The following ERICH6 variants were observed in gnomAD, a reference collection of about 807,000 sequenced individuals.
ERICH6 encodes glutamate-rich protein 6.
Under a neutral mutation model 71.0 loss-of-function variants are expected in ERICH6, and 71 were observed. The ratio of observed to expected loss-of-function variants is 1.00; its 90% CI spans 0.83 to 1.22. ERICH6 has a LOEUF of 1.22. Among genes scored for constraint, ERICH6 ranks in the 50% most tolerant of loss-of-function variants. ERICH6 has a pLI of 0.00. For missense variants in ERICH6, 808 were observed against 797.2 expected, an observed-to-expected ratio of 1.01 and a Z score of -0.16; for synonymous variants, 262 against 278.4, an observed-to-expected ratio of 0.94 and a Z score of 0.59.
chr3:150,675,325 A>G (rs540336595), intron 10 of ERICH6, among the ~76,000 whole-genome samples: 1 of 152,194 alleles, frequency 6.6e-6, no homozygotes, highest in Non-Finnish European at 1.5e-5. Context: ...TCTTTATTTT[A>G]TAAAGTGATC....
intron 5 of ERICH6, 38 bp downstream of exon 5, chr3:150,685,928 A>C (rs766196678): frequency 3.8e-6 from 6 of 1,598,294 alleles, no homozygotes; most frequent in Non-Finnish European, 5.1e-6. Flanking sequence ...TTTTACTATG[A>C]GAACAGTGTA....
At chr3:150,695,600 G>A (rs1025589101) in intron 3 of ERICH6, among the ~76,000 whole-genome samples, 33 of 152,024 alleles carry the variant, frequency 2.2e-4, no homozygotes, top group African/African-American at 7.2e-4. Context: ...CCTGGGAGGC[G>A]GAGGTTACAG....
At chr3:150,669,079 T>A (rs1338193727) in intron 12 of ERICH6, among the ~76,000 whole-genome samples, 1 of 152,196 alleles carries the variant, frequency 6.6e-6, no homozygotes, top group African/African-American at 2.4e-5. Context: ...ATAGAAATAA[T>A]ATGATGAGCT....
intron 9 of ERICH6, among the ~76,000 whole-genome samples, chr3:150,678,947 A>G (rs903584641): frequency 6.6e-6 from 1 of 150,474 alleles, no homozygotes; most frequent in Non-Finnish European, 1.5e-5. Context: ...AGGCTAAGGC[A>G]GGAAAATTGA....
intron 1 of ERICH6, among the ~76,000 whole-genome samples, chr3:150,702,887 TGA>T (rs1181008001): frequency 1.2e-5 from 1 of 82,376 alleles, no homozygotes; most frequent in Non-Finnish European, 2.1e-5. Flanking sequence ...GGAAATAATA[TGA>T]GTGTGTGTGT....
rs776737405 is a variant in ERICH6, at chr3:150,703,836, T to C, written c.63A>G (p.Ser21=). The C allele has an allele frequency of 1.5e-5, 22 of 1,485,534 alleles. No homozygotes were observed. The highest frequency in any genetic ancestry group is 4.5e-6 in the Non-Finnish European group (5 of 1,108,364). The allele number at this position is 1,485,534 out of a possible 1,614,324, so 92.0% of individuals were successfully genotyped here. The change falls in exon 1 of 14, where the codon TCA becomes TCG. Residue 21 remains serine, a synonymous_variant. Coordinates refer to ENST00000295910, the MANE Select transcript of ERICH6 (RefSeq NM_152394.5). ...GDPGKKDQKE[S]EEELEEEEEE... ...CCTCCTCCTCCTCTAACTCCTCCTC[T>C]GACTCCTTCTGGTCCTTCTTCCCCG...
intron 3 of ERICH6, among the ~76,000 whole-genome samples, chr3:150,687,435 C>T (rs1200127672): frequency 6.6e-6 from 1 of 152,174 alleles, no homozygotes; most frequent in Non-Finnish European, 1.5e-5. Context: ...TCAATATTTT[C>T]CTTGGTTATA....
rs73152548 is a variant in ERICH6 at position 150,702,572 on chromosome 3, G to A, written c.404-394C>T. Among the ~76,000 whole-genome samples, 1,107 of 152,214 alleles carry A rather than the reference G, an allele frequency of 7.3e-3. 5 individuals carry two copies. Among genetic ancestry groups the A allele is most frequent in the Non-Finnish European group, 0.012 (802 of 68,014 alleles). On this transcript the variant is annotated intron_variant, in intron 1 of 13. Coordinates refer to ENST00000295910, the MANE Select transcript of ERICH6 (RefSeq NM_152394.5). ...ATCACAGGCGTGAGCCACCGCGCCC[G>A]GCCTGGAGACATTTTTGATCATCGC...
rs746584101 is a variant in ERICH6, at chr3:150,680,837, C to G, written c.976G>C (p.Asp326His). Residue 326 changes from aspartate (D) to histidine (H), a missense_variant, in exon 8 of 14, where the codon GAC becomes CAC. Asp to His is a moderately conservative substitution (Grantham distance 81). Coordinates refer to ENST00000295910, the MANE Select transcript of ERICH6 (RefSeq NM_152394.5). ...TCACTACCATGGGCTGCATGAGGGT[C>G]AATAGCAATTAATTCAGCTTTAGGG... The part of the protein sequence containing the change: ...KPPKAELIAI[D>H]PHAAHGSEVD... The G allele has an allele frequency of 2.3e-5, 37 of 1,613,874 alleles. No individual in the cohort carries two copies. The Admixed American group carries it at 2.5e-4, about 11-fold the overall frequency.
intron 11 of ERICH6, among the ~76,000 whole-genome samples, chr3:150,672,114 C>T (rs561223187): frequency 5.3e-5 from 8 of 151,760 alleles, no homozygotes; most frequent in Non-Finnish European, 1.0e-4. Context: ...GGTTATAAAA[C>T]GGTGTTGCTA....
intron 7 of ERICH6, 40 bp downstream of exon 7, chr3:150,682,178 G>C (rs1711989597): frequency 1.0e-5 from 15 of 1,490,238 alleles, no homozygotes; most frequent in Non-Finnish European, 1.4e-5. Flanking sequence ...TATGTTTAAA[G>C]ATAATACTAT....
chr3:150,678,735 C>T (rs983505037), intron 9 of ERICH6, among the ~76,000 whole-genome samples, 181 bp from the exon 10 acceptor site: 1 of 151,826 alleles, frequency 6.6e-6, no homozygotes, highest in African/African-American at 2.4e-5. Context: ...TGAGAACATT[C>T]CTTTGTTAAA....
chr3:150,683,829 G>C (rs1638397851), intron 6 of ERICH6, among the ~76,000 whole-genome samples: 1 of 152,076 alleles, frequency 6.6e-6, no homozygotes, highest in Non-Finnish European at 1.5e-5. Context: ...AAGAGGGTGT[G>C]GCTAGAGAGA....
chr3:150,679,755 T>C (rs1711821424), intron 9 of ERICH6, among the ~76,000 whole-genome samples: 1 of 152,164 alleles, frequency 6.6e-6, no homozygotes. Flanking sequence ...TCTCCCAGGT[T>C]CAGGTGATTC....
Position 150,702,298 on chromosome 3 carries a change from A to G in ERICH6, c.404-120T>C, listed in dbSNP as rs1220610596. On this transcript the variant is annotated intron_variant, in intron 1 of 13. Transcript: ENST00000295910. ...TTTTTTTTTTTTTTTTTTTTTTGAG[A>G]CGGAGTCTCGCTCTGTCGCCTAGGC... The G allele has an allele frequency of 1.0e-5, 5 of 481,236 alleles. No homozygotes were observed. In the East Asian group the frequency reaches 1.1e-4, roughly 11 times the overall value. 29.8% of individuals were successfully genotyped at this position (481,236 alleles called of 1,614,324 possible). A position where few individuals can be genotyped will look rare whatever the true frequency, so the allele number is the denominator to read the frequency against.
At chr3:150,664,024 G>T (rs1362566412) in intron 13 of ERICH6, among the ~76,000 whole-genome samples, 3 of 152,014 alleles carry the variant, frequency 2.0e-5, no homozygotes, top group Non-Finnish European at 4.4e-5. Flanking sequence ...CAAGCTCTGG[G>T]TTCCTCCAAT....
At chr3:150,697,365 C>T (rs1712693576) in intron 3 of ERICH6, among the ~76,000 whole-genome samples, 1 of 152,200 alleles carries the variant, frequency 6.6e-6, no homozygotes, top group African/African-American at 2.4e-5. Context: ...TTTAGTTACA[C>T]CACTGTACCA....
At chr3:150,702,770 G>A (rs1452484610) in intron 1 of ERICH6, among the ~76,000 whole-genome samples, 1 of 149,022 alleles carries the variant, frequency 6.7e-6, no homozygotes, top group East Asian at 2.0e-4. Flanking sequence ...CTTTTTTCAA[G>A]GAAGTGACTG....
intron 6 of ERICH6, 59 bp from the exon 7 acceptor site, chr3:150,682,375 AG>A: frequency 7.5e-7 from 1 of 1,339,012 alleles, no homozygotes; most frequent in South Asian, 1.2e-5. Context: ...AGAGGCTCTG[AG>A]AGCAGCAGGA....
Sources: gnomAD v4.1 joint callset for allele counts (sites outside exome capture counted in the v4.1 genomes callset) on GRCh38, gnomAD v4.1.1 for gene constraint, MANE v1.5 for transcripts, NCBI Gene and HGNC (gene_info 2026-07-23, HGNC 2026-07-21) for gene names.